Variants in IFNGR2 observed in about 807,000 individuals in gnomAD.
The protein encoded by IFNGR2 is IFN-gamma receptor 2.
Under a neutral mutation model 41.1 loss-of-function variants are expected in IFNGR2, and 15 were observed. The observed-to-expected ratio is 0.37, with a 90% CI of 0.24 to 0.56. The LOEUF is 0.56. IFNGR2 is among the 20% of genes least tolerant of loss of function. IFNGR2 has a pLI of 0.81. For synonymous variants in IFNGR2, 161 were observed against 171.6 expected (o/e 0.94, Z 0.48); for missense variants, 362 against 415.7 (o/e 0.87, Z 1.12).
chr21:33,434,000 C>G (rs989698664), intron 6 of IFNGR2, among the ~76,000 whole-genome samples: 1 of 152,120 alleles, frequency 6.6e-6, no homozygotes, highest in East Asian at 1.9e-4. Context: ...GGCCCTAAGG[C>G]AGAGTCAACA....
intron 6 of IFNGR2, among the ~76,000 whole-genome samples, chr21:33,434,248 G>A (rs1010771569): frequency 5.3e-5 from 8 of 152,158 alleles, no homozygotes; most frequent in African/African-American, 7.2e-5. Flanking sequence ...GCAGCCGGGC[G>A]CAGTGACCCA....
At chr21:33,428,225 T>TTA (rs200262771) in intron 4 of IFNGR2, among the ~76,000 whole-genome samples, 1 of 141,458 alleles carries the variant, frequency 7.1e-6, no homozygotes, top group Non-Finnish European at 1.6e-5. Context: ...TTTTTTTTTT[T>TTA]AATTATTGTT....
At chr21:33,410,148 AT>A (rs1259478478) in intron 1 of IFNGR2, among the ~76,000 whole-genome samples, 1 of 150,266 alleles carries the variant, frequency 6.7e-6, no homozygotes, top group African/African-American at 2.5e-5. Context: ...CAGCAAGTTC[AT>A]TGTCTTAATT....
chr21:33,417,520 AGTTACCT>A (rs1455908170), intron 2 of IFNGR2, among the ~76,000 whole-genome samples: 1 of 152,254 alleles, frequency 6.6e-6, no homozygotes, highest in Non-Finnish European at 1.5e-5. Flanking sequence ...ACGAACATTA[AGTTACCT>A]GTAATTAATG....
intron 6 of IFNGR2, among the ~76,000 whole-genome samples, chr21:33,435,211 A>G (rs1365157716): frequency 2.0e-5 from 3 of 152,152 alleles, no homozygotes; most frequent in African/African-American, 4.8e-5. Context: ...ACACCCCTTT[A>G]TATGTTAAGG....
intron 6 of IFNGR2, among the ~76,000 whole-genome samples, chr21:33,435,093 GT>G (rs1247076040): frequency 5.3e-5 from 8 of 152,194 alleles, no homozygotes; most frequent in African/African-American, 1.7e-4. Flanking sequence ...TTGTCTTCCA[GT>G]ATCTTTCAGC....
At chr21:33,435,853 C>T (rs1326930253) in intron 6 of IFNGR2, among the ~76,000 whole-genome samples, 1 of 126,726 alleles carries the variant, frequency 7.9e-6, no homozygotes, top group Non-Finnish European at 1.6e-5. Flanking sequence ...CACTGCACTC[C>T]AGCCTGGCAA....
chr21:33,422,290 CA>C (rs1287842829), intron 3 of IFNGR2, among the ~76,000 whole-genome samples: 1 of 152,154 alleles, frequency 6.6e-6, no homozygotes, highest in East Asian at 1.9e-4. Flanking sequence ...TTTGTTCCTC[CA>C]GTAATTCATT....
chr21:33,432,347 CCTT>C lies in IFNGR2; in HGVS notation c.721+15_721+17del, dbSNP rs1568963527. The C allele has an allele frequency of 1.9e-6, 3 of 1,609,788 alleles. No homozygotes were observed. Among genetic ancestry groups the C allele is most frequent in the Non-Finnish European group, 2.6e-6 (3 of 1,176,084 alleles). ...AAACAATGGCAGATGGTAAAATATA[CCTT>C]CTTATGTCCTTTCTGAACTGGGAAA... On this transcript the variant is annotated intron_variant, in intron 5 of 6. Transcript: ENST00000290219.
chr21:33,414,452 TCAC>T (rs1389584106), intron 1 of IFNGR2, among the ~76,000 whole-genome samples: 3 of 152,240 alleles, frequency 2.0e-5, no homozygotes, highest in Admixed American at 1.3e-4. Context: ...TGTCACATGA[TCAC>T]CACGTTAATC....
chr21:33,404,675 C>T (rs542611697), intron 1 of IFNGR2, among the ~76,000 whole-genome samples: 2 of 152,220 alleles, frequency 1.3e-5, no homozygotes, highest in Admixed American at 6.5e-5. Flanking sequence ...GCAATCCACC[C>T]GCCTTGGCCT....
chr21:33,416,746 C>T (rs958620950), intron 2 of IFNGR2, among the ~76,000 whole-genome samples: 10 of 150,176 alleles, frequency 6.7e-5, no homozygotes, highest in South Asian at 6.3e-4. Flanking sequence ...GGCGTGAACC[C>T]GGGAGGCAGA....
chr21:33,432,960 A>C, intron 6 of IFNGR2, 89 bp downstream of exon 6: 2 of 1,092,820 alleles, frequency 1.8e-6, no homozygotes, highest in Admixed American at 4.0e-5. Flanking sequence ...ATCTCTGCTC[A>C]CTGCAGCCTC....
chr21:33,410,347 A>G lies in IFNGR2; in HGVS notation c.74-4541A>G, dbSNP rs530880105. Among the ~76,000 whole-genome samples, 10 of 151,884 alleles carry G rather than the reference A, an allele frequency of 6.6e-5. No individual in the cohort carries two copies. The South Asian group carries it at 1.7e-3, about 25-fold the overall frequency. On this transcript the variant is annotated intron_variant, in intron 1 of 6. Coordinates refer to ENST00000290219, the MANE Select transcript of IFNGR2 (RefSeq NM_005534.4). The stretch of plus-strand genomic sequence containing the variant: ...ATGCCTGGCTAATTTTTATATTTTT[A>G]GTAAAGATGGGGTTTCACCATCTTG...
rs1386298787 is a variant in IFNGR2, at chr21:33,437,429, GTAAT to G, written c.*472_*475del. 6.3e-6 allele frequency: 1 copy of G among 159,156 alleles called. No individual in the cohort carries two copies. The highest frequency in any genetic ancestry group is 2.4e-5 in the African/African-American group (1 of 41,518). The allele number at this position is 159,156 out of a possible 1,614,324, so 9.9% of individuals were successfully genotyped here. A position where few individuals can be genotyped will look rare whatever the true frequency, so the allele number is the denominator to read the frequency against. On this transcript the variant is annotated 3_prime_UTR_variant, in exon 7 of 7. Transcript: ENST00000290219. ...CATCCATGGTGTGCTGGCTTAAAAT[GTAAT>G]TAATCTTGTAAATATACTCCTAGTA...
chr21:33,436,711 C>A (rs1398659693), intron 6 of IFNGR2, 117 bp from the exon 7 acceptor site: 22 of 788,212 alleles, frequency 2.8e-5, no homozygotes, highest in Non-Finnish European at 4.4e-5. Context: ...AAGAGTAAGA[C>A]TCCATCTCAA....
At chr21:33,410,988 G>A (rs1334855991) in intron 1 of IFNGR2, 39 of 917,654 alleles carry the variant, frequency 4.2e-5, no homozygotes, top group Middle Eastern at 2.1e-4. Flanking sequence ...GTTTCCCATC[G>A]GGGGCCATGT....
intron 4 of IFNGR2, 51 bp from the exon 5 acceptor site, chr21:33,432,126 G>A: frequency 6.5e-7 from 1 of 1,532,060 alleles, no homozygotes; most frequent in Non-Finnish European, 9.0e-7. Context: ...AAAGATGTAG[G>A]CAGCTTGGCC....
chr21:33,425,013 G>T (rs1401609861), intron 3 of IFNGR2, among the ~76,000 whole-genome samples: 2 of 152,136 alleles, frequency 1.3e-5, no homozygotes, highest in East Asian at 3.9e-4. Flanking sequence ...AGGTTCAAGC[G>T]ATTCTCCTGC....
Sources: gnomAD v4.1 joint callset for allele counts (sites outside exome capture counted in the v4.1 genomes callset) on GRCh38, gnomAD v4.1.1 for gene constraint, MANE v1.5 for transcripts, NCBI Gene and HGNC (gene_info 2026-07-23, HGNC 2026-07-21) for gene names.